DGKH: variants seen among roughly 807,000 people sequenced by gnomAD.
The protein encoded by DGKH is DAG kinase eta.
Under a neutral mutation model 159.3 loss-of-function variants are expected in DGKH, and 90 were observed. The observed-to-expected ratio is 0.57, with a 90% CI of 0.48 to 0.67. DGKH has a LOEUF of 0.67. Among genes scored for constraint, DGKH ranks in the 30% least tolerant of loss-of-function variants. The pLI is 0.00. For missense variants in DGKH, 1,181 were observed against 1,506.1 expected, an observed-to-expected ratio of 0.78 and a Z score of 3.57; for synonymous variants, 536 against 553.8, an observed-to-expected ratio of 0.97 and a Z score of 0.45.
intron 26 of DGKH, among the ~76,000 whole-genome samples, chr13:42,216,287 T>A (rs935405019): frequency 3.3e-5 from 5 of 152,244 alleles, no homozygotes; most frequent in African/African-American, 1.2e-4. Context: ...TTTCAAGTAT[T>A]CTAGCATCTT....
Position 42,229,201 on chromosome 13 carries a change from T to C in DGKH, c.*13T>C, listed in dbSNP as rs1471667507. 4.4e-6 allele frequency: 7 copies of C among 1,603,726 alleles called. No individual in the cohort carries two copies. The highest frequency in any genetic ancestry group is 1.7e-5 in the Admixed American group (1 of 57,400). On this transcript the variant is annotated 3_prime_UTR_variant, in exon 30 of 30. Coordinates refer to ENST00000337343, the MANE Select transcript of DGKH (RefSeq NM_178009.5). ...GTCGGAGGTGTAATCATATTGGTGC[T>C]ATTTCTTGGAAGAGAAGTTATTGCC...
intron 29 of DGKH, chr13:42,225,154 C>A: frequency 2.6e-6 from 2 of 766,612 alleles, no homozygotes; most frequent in East Asian, 5.9e-5. Context: ...AACTCCTGGC[C>A]TCAAGAGATC....
chr13:42,155,789 G>A lies in DGKH; in HGVS notation c.612G>A (p.Leu204=). Residue 204 remains leucine, a synonymous_variant, in exon 5 of 30, where the codon CTG becomes CTA. Transcript: ENST00000337343. ...ESLSGVTSHG[L]SCEVCKFKAH... ...TTTCTGGAGTCACCTCCCATGGCCT[G>A]TCCTGCGAAGGTACTGTAGCACCTA... is the stretch of plus-strand genomic sequence containing the variant. 1.2e-6 allele frequency: 2 copies of A among 1,613,994 alleles called. No individual in the cohort carries two copies. The highest frequency in any genetic ancestry group is 2.2e-5 in the East Asian group (1 of 44,876).
chr13:42,127,645 G>GT (rs1298786980), intron 2 of DGKH, 72 bp downstream of exon 2: 1 of 1,255,312 alleles, frequency 8.0e-7, no homozygotes, highest in African/African-American at 1.5e-5. Context: ...TCTGTAAGCT[G>GT]TTTTTGTCTT....
In DGKH at chr13:42,159,319, A is replaced by G. The variant is rs1956121265; in HGVS notation, c.676A>G (p.Lys226Glu). ...RCAVRATNNC[K>E]WTTLASIGKD... ...TGCAGTGAGAGCAACAAATAACTGT[A>G]AATGGACTACCCTGGCCTCCATCGG... The change falls in exon 6 of 30, where the codon AAA (lysine) becomes GAA (glutamate). Residue 226 changes from lysine (K) to glutamate (E), a missense_variant. Physicochemically the swap from Lys to Glu is moderately conservative, Grantham distance 56. Coordinates refer to ENST00000337343, the MANE Select transcript of DGKH (RefSeq NM_178009.5). 6.2e-7 allele frequency: 1 copy of G among 1,602,316 alleles called. No homozygotes were observed. Among genetic ancestry groups the G allele is most frequent in the Non-Finnish European group, 8.5e-7 (1 of 1,174,360 alleles).
At chr13:42,244,291 A>G (rs1323121105), downstream of DGKH, among the ~76,000 whole-genome samples, 1 of 152,206 alleles carries the variant, frequency 6.6e-6, no homozygotes, top group African/African-American at 2.4e-5. Flanking sequence ...GGAGCCCCAC[A>G]GAACTGGGAT....
chr13:42,151,591 ACACACACACACACACACACACACC>A (rs1486704407), intron 3 of DGKH, among the ~76,000 whole-genome samples: 1 of 117,116 alleles, frequency 8.5e-6, no homozygotes, highest in Non-Finnish European at 2.0e-5. Flanking sequence ...ACACACACAC[ACACACACACACACACACACACACC>A]CCATGGAAAA....
Position 42,115,391 on chromosome 13 carries a change from A to C in DGKH, c.193-12072A>C, listed in dbSNP as rs115647867. ...ATGAGGTACAGTTTTTGTCACTGAG[A>C]AACTCAGTCCTATAGGAGAGACCCA... On this transcript the variant is annotated intron_variant, in intron 1 of 29. Transcript: ENST00000337343. Among the ~76,000 whole-genome samples the C allele has an allele frequency of 3.1e-3, 477 of 152,316 alleles. 2 individuals are homozygous for C. Among genetic ancestry groups the C allele is most frequent in the African/African-American group, 0.011 (464 of 41,530 alleles).
chr13:42,245,304 A>T (rs933286377), downstream of DGKH, among the ~76,000 whole-genome samples: 2 of 152,166 alleles, frequency 1.3e-5, no homozygotes, highest in African/African-American at 4.8e-5. Flanking sequence ...TCCATGAGGG[A>T]AAGGATTTTT....
intron 13 of DGKH, among the ~76,000 whole-genome samples, chr13:42,182,162 C>T (rs1275778243): frequency 6.6e-6 from 1 of 152,252 alleles, no homozygotes; most frequent in East Asian, 1.9e-4. Flanking sequence ...CCAGAGGGGC[C>T]ATGCTGGAGG....
At chr13:42,101,747 A>G (rs1202609296) in intron 1 of DGKH, among the ~76,000 whole-genome samples, 1 of 151,532 alleles carries the variant, frequency 6.6e-6, no homozygotes, top group African/African-American at 2.4e-5. Context: ...CCAAGTTAAA[A>G]GAGGTATGTG....
chr13:42,116,499 A>T (rs531571341), intron 1 of DGKH, among the ~76,000 whole-genome samples: 2 of 152,246 alleles, frequency 1.3e-5, no homozygotes, highest in East Asian at 3.8e-4. Context: ...AAAGACATGC[A>T]TCCTCACTGA....
intron 11 of DGKH, among the ~76,000 whole-genome samples, chr13:42,172,479 C>A (rs1420772562): frequency 6.6e-6 from 1 of 152,108 alleles, no homozygotes; most frequent in Non-Finnish European, 1.5e-5. Flanking sequence ...TATTGGGGGG[C>A]TTTCTGGGAA....
rs1006589688 is a variant in DGKH, at chr13:42,231,362, C to CA, written c.*2183dup. 26 of 149,662 alleles carry CA rather than the reference C, an allele frequency of 1.7e-4. No homozygotes were observed. The highest frequency in any genetic ancestry group is 3.9e-4 in the African/African-American group (16 of 40,720). The allele number at this position is 149,662 out of a possible 1,614,324, so 9.3% of individuals were successfully genotyped here. ...CAGAGCAAGACTCCCATCTCAATCT[C>CA]AAAAAAAAATAGTCATGAATTATGC... On this transcript the variant is annotated 3_prime_UTR_variant, in exon 30 of 30. Transcript: ENST00000337343.
At chr13:42,110,375 A>C (rs1357307209) in intron 1 of DGKH, among the ~76,000 whole-genome samples, 1 of 152,188 alleles carries the variant, frequency 6.6e-6, no homozygotes, top group Non-Finnish European at 1.5e-5. Context: ...TCTACTTTGC[A>C]CATTAGTTAT....
intron 13 of DGKH, among the ~76,000 whole-genome samples, chr13:42,185,125 T>G (rs774495401): frequency 2.0e-5 from 3 of 152,148 alleles, no homozygotes; most frequent in Admixed American, 6.6e-5. Flanking sequence ...TTGGTAGGAC[T>G]TTGCAATCAT....
chr13:42,159,889 T>G lies in DGKH; in HGVS notation c.730-122T>G, dbSNP rs1020873191. ...GCTCAATAAACGTGGGGTAAATGAG[T>G]GAATGCTATGCATGAAACGTACTAC... On this transcript the variant is annotated intron_variant, in intron 6 of 29. Transcript: ENST00000337343. The G allele has an allele frequency of 4.3e-6, 6 of 1,402,964 alleles. No individual in the cohort carries two copies. The African/African-American group carries it at 8.6e-5, about 20-fold the overall frequency. 86.9% of individuals were successfully genotyped at this position (1,402,964 alleles called of 1,614,324 possible). A position where few individuals can be genotyped will look rare whatever the true frequency, so the allele number is the denominator to read the frequency against.
downstream of DGKH, among the ~76,000 whole-genome samples, chr13:42,244,586 A>G (rs981661163): frequency 2.6e-5 from 4 of 152,222 alleles, no homozygotes; most frequent in Admixed American, 6.5e-5. Context: ...GTAGTTTGCC[A>G]CTAAGTCTAA....
At chr13:42,221,895 G>A (rs1330461587) in intron 29 of DGKH, among the ~76,000 whole-genome samples, 2 of 152,096 alleles carry the variant, frequency 1.3e-5, no homozygotes, top group Non-Finnish European at 2.9e-5. Flanking sequence ...CCTTTTTTAG[G>A]TCACATGAAT....
Sources: allele counts gnomAD v4.1 joint callset (sites outside exome capture counted in the v4.1 genomes callset), GRCh38; gene constraint gnomAD v4.1.1; transcripts MANE v1.5; gene names NCBI Gene and HGNC (gene_info 2026-07-23, HGNC 2026-07-21).